Variants in INSR observed in about 807,000 individuals in gnomAD.
INSR encodes the protein insulin receptor.
INSR carries 67 observed loss-of-function variants against 142.6 expected under a neutral mutation model. That is an observed-to-expected ratio of 0.47 (90% CI 0.39 to 0.58). The LOEUF (loss-of-function observed/expected upper bound fraction) is 0.58, where lower values mean the gene tolerates loss of function less well. INSR is among the 20% of genes least tolerant of loss of function. The pLI is 0.00. For synonymous variants in INSR, 756 were observed against 743.1 expected (o/e 1.02, Z -0.28); for missense variants, 1,248 against 1,833.2 (o/e 0.68, Z 5.83).
chr19:7,243,536 G>A (rs187782539), intron 2 of INSR, among the ~76,000 whole-genome samples: 22 of 152,062 alleles, frequency 1.4e-4, no homozygotes, highest in Non-Finnish European at 2.8e-4. Flanking sequence ...ATGAGCCACC[G>A]CACCTGGCCT....
chr19:7,140,653 AT>A (rs1387321171), intron 13 of INSR, among the ~76,000 whole-genome samples: 4 of 151,980 alleles, frequency 2.6e-5, no homozygotes, highest in Admixed American at 2.6e-4. Flanking sequence ...GAGGTATATT[AT>A]TTTTGCATTT....
chr19:7,251,990 T>C (rs951793228), intron 2 of INSR, among the ~76,000 whole-genome samples: 2 of 152,122 alleles, frequency 1.3e-5, no homozygotes, highest in Non-Finnish European at 2.9e-5. Context: ...GAAGTGAAAA[T>C]AGCCCAGGTG....
Position 7,163,181 on chromosome 19 carries a change from T to C in INSR, c.1880A>G (p.Asp627Gly), listed in dbSNP as rs1568457657. The change falls in exon 9 of 22, where the codon GAT becomes GGT. Residue 627 changes from aspartate (D) to glycine (G), a missense_variant. Asp to Gly is a moderately conservative substitution (Grantham distance 94, BLOSUM62 -1). Around this residue, in one of 3 missense-constraint regions of INSR, gnomAD observed 1,069 missense variants for 1,654.0 expected, o/e 0.65. Coordinates refer to ENST00000302850, the MANE Select transcript of INSR (RefSeq NM_000208.4). ...TDATNPSVPLDPISVSNSSSQ... is the reference protein window; with the variant it reads ...TDATNPSVPLGPISVSNSSSQ... Reference sequence around the variant, plus strand: ...TGATGAGTTAGACACTGAGATTGGATCCAGGGGCACAGAGGGGTCTGTCAG... The same window carrying C: ...TGATGAGTTAGACACTGAGATTGGACCCAGGGGCACAGAGGGGTCTGTCAG... 1.2e-6 allele frequency: 2 copies of C among 1,613,366 alleles called. No individual in the cohort carries two copies. The highest frequency in any genetic ancestry group is 1.7e-5 in the Admixed American group (1 of 59,954).
At position 7,114,413 on chromosome 19, in the gene INSR, A is replaced by C. The variant is rs548363780; in HGVS notation, c.*2643T>G. Reference sequence around the variant, plus strand: ...TATGTTTGGGGAACATAGTGACAATAGATGGAGGATTTTTTTTTAAAGGAA... The same window carrying C: ...TATGTTTGGGGAACATAGTGACAATCGATGGAGGATTTTTTTTTAAAGGAA... On this transcript the variant is annotated 3_prime_UTR_variant, in exon 22 of 22. Coordinates refer to ENST00000302850, the MANE Select transcript of INSR (RefSeq NM_000208.4). 7 of 152,368 alleles carry C rather than the reference A, an allele frequency of 4.6e-5. No individual in the cohort carries two copies. In the South Asian group the frequency reaches 1.4e-3, roughly 32 times the overall value. The allele number at this position is 152,368 out of a possible 1,614,324, so 9.4% of individuals were successfully genotyped here.
intron 2 of INSR, among the ~76,000 whole-genome samples, chr19:7,223,037 G>A (rs531505601): frequency 4.7e-4 from 72 of 152,132 alleles, no homozygotes; most frequent in Non-Finnish European, 8.7e-4. Context: ...ACAAAAATTA[G>A]CCCAGTGTGG....
intron 5 of INSR, 60 bp downstream of exon 5, chr19:7,172,230 T>C: frequency 1.3e-6 from 2 of 1,598,916 alleles, no homozygotes; most frequent in South Asian, 1.1e-5. Context: ...CCTTAAGTTG[T>C]TCTAATACAC....
intron 2 of INSR, among the ~76,000 whole-genome samples, chr19:7,263,767 C>T (rs1465436861): frequency 2.0e-5 from 3 of 151,964 alleles, no homozygotes; most frequent in Non-Finnish European, 4.4e-5. Flanking sequence ...GCACAGTGGC[C>T]GATGCATGTA....
At chr19:7,190,991 A>T (rs1031747655) in intron 2 of INSR, among the ~76,000 whole-genome samples, 1 of 152,132 alleles carries the variant, frequency 6.6e-6, no homozygotes, top group Admixed American at 6.6e-5. Flanking sequence ...TACAATTATT[A>T]TTTGTCAATT....
chr19:7,226,133 T>C (rs4804418), intron 2 of INSR, among the ~76,000 whole-genome samples: 122,498 of 152,222 alleles, frequency 0.8, 49,486 homozygotes, highest in South Asian at 0.86. Context: ...ATCGGCCTAG[T>C]GTGGTGCCTC....
At chr19:7,228,972 T>G (rs539922499) in intron 2 of INSR, among the ~76,000 whole-genome samples, 4 of 105,234 alleles carry the variant, frequency 3.8e-5, no homozygotes, top group African/African-American at 1.6e-4. Flanking sequence ...GTTGGCAGAG[T>G]AGACAGAAGG....
At chr19:7,133,333 G>C (rs1448168728) in intron 13 of INSR, among the ~76,000 whole-genome samples, 1 of 152,162 alleles carries the variant, frequency 6.6e-6, no homozygotes, top group Non-Finnish European at 1.5e-5. Context: ...TTATGTTACA[G>C]TATAAATTGT....
At chr19:7,238,902 C>T (rs1976248833) in intron 2 of INSR, among the ~76,000 whole-genome samples, 1 of 130,800 alleles carries the variant, frequency 7.6e-6, no homozygotes, top group Admixed American at 9.0e-5. Flanking sequence ...TTTTTCCCAG[C>T]GTTAGTTACA....
chr19:7,132,139 G>C lies in INSR; in HGVS notation c.2842+19C>G, dbSNP rs759360869. ...GCTAAGCACAGCCCCAGTCAGCTGAGGCTGCCATGGAGACTTACAATAGTC... is the reference window on the plus strand; with the variant it reads ...GCTAAGCACAGCCCCAGTCAGCTGACGCTGCCATGGAGACTTACAATAGTC... On this transcript the variant is annotated intron_variant, in intron 14 of 21. Coordinates refer to ENST00000302850, the MANE Select transcript of INSR (RefSeq NM_000208.4). 7.4e-6 allele frequency: 12 copies of C among 1,614,012 alleles called. No individual in the cohort carries two copies. The highest frequency in any genetic ancestry group is 9.3e-6 in the Non-Finnish European group (11 of 1,179,894).
chr19:7,184,259 C>G, intron 3 of INSR, 57 bp downstream of exon 3: 1 of 1,509,520 alleles, frequency 6.6e-7, no homozygotes, highest in South Asian at 1.1e-5. Flanking sequence ...ATCGTCACAA[C>G]CAACCCCACG....
At position 7,267,546 on chromosome 19, in the gene INSR, C is replaced by T; in HGVS notation, c.451G>A (p.Glu151Lys). 1 of 1,614,116 alleles carries T rather than the reference C, an allele frequency of 6.2e-7. No homozygotes were observed. Among genetic ancestry groups the T allele is most frequent in the Non-Finnish European group, 8.5e-7 (1 of 1,180,028 alleles). ...RGSVRIEKNN[E>K]LCYLATIDWS... ...TCGATAGTGGCCAAGTAACAGAGCTCATTGTTCTTCTCGATGCGGACAGAA... is the reference window on the plus strand; with the variant it reads ...TCGATAGTGGCCAAGTAACAGAGCTTATTGTTCTTCTCGATGCGGACAGAA... Residue 151 changes from glutamate (E) to lysine (K), a missense_variant, in exon 2 of 22, where the codon GAG becomes AAG. Glu to Lys is a moderately conservative substitution (Grantham distance 56). This residue lies in a region of INSR where 1,069 missense variants were observed against 1,654.0 expected (regional missense o/e 0.65). Coordinates refer to ENST00000302850, the MANE Select transcript of INSR (RefSeq NM_000208.4). This position sits in a 1 kb window ranked among gnomAD's most constrained non-coding sequence, Gnocchi z 6.3.
At chr19:7,285,699 T>C (rs971138733) in intron 1 of INSR, among the ~76,000 whole-genome samples, 1 of 152,042 alleles carries the variant, frequency 6.6e-6, no homozygotes, top group Non-Finnish European at 1.5e-5. Flanking sequence ...ATGATGAGGA[T>C]CAACCAGACT....
intron 1 of INSR, among the ~76,000 whole-genome samples, chr19:7,276,831 A>G (rs1027349913): frequency 3.9e-5 from 6 of 152,094 alleles, no homozygotes; most frequent in Non-Finnish European, 7.4e-5. Flanking sequence ...CCCGGGTTCA[A>G]GCGATTCTCC....
chr19:7,173,870 C>T (rs1974076366), intron 4 of INSR, among the ~76,000 whole-genome samples: 1 of 152,024 alleles, frequency 6.6e-6, no homozygotes, highest in Non-Finnish European at 1.5e-5. Flanking sequence ...GATCCACCTG[C>T]CTCGGCCTCC....
At chr19:7,270,508 T>C (rs7254769) in intron 1 of INSR, among the ~76,000 whole-genome samples, 2,312 of 152,106 alleles carry the variant, frequency 0.015, 76 homozygotes, top group African/African-American at 0.053. Flanking sequence ...TCCCAGCAGT[T>C]TGGGAGGCCA....
Sources: gnomAD v4.1 joint callset for allele counts (sites outside exome capture counted in the v4.1 genomes callset) on GRCh38, gnomAD v4.1.1 for gene constraint, gnomAD v4.1.1 regional missense constraint, Gnocchi (gnomAD v3.1) non-coding constraint, MANE v1.5 for transcripts, NCBI Gene and HGNC (gene_info 2026-07-23, HGNC 2026-07-21) for gene names.